Variants in MALRD1 observed in about 807,000 individuals in gnomAD.
MALRD1 encodes the protein MAM and LDL-receptor class A domain-containing protein 1.
Under a neutral mutation model 242.1 loss-of-function variants are expected in MALRD1, and 247 were observed. That is an observed-to-expected ratio of 1.02 (90% CI 0.92 to 1.13). The LOEUF (loss-of-function observed/expected upper bound fraction) is 1.13. Ranked by LOEUF, MALRD1 falls within the 50% of genes most tolerant of loss-of-function variation. MALRD1 has a pLI of 0.00. For missense variants in MALRD1, 2,989 were observed against 2,533.1 expected (o/e 1.18, Z -3.86); for synonymous variants, 995 against 866.6 (o/e 1.15, Z -2.60).
intron 18 of MALRD1, among the ~76,000 whole-genome samples, chr10:19,238,551 T>C (rs1344698299): frequency 8.5e-6 from 1 of 117,716 alleles, no homozygotes; most frequent in East Asian, 2.4e-4. Context: ...TAATATATAA[T>C]GTATATTATA....
At chr10:19,534,771 A>T (rs1834578590) in intron 32 of MALRD1, among the ~76,000 whole-genome samples, 1 of 152,138 alleles carries the variant, frequency 6.6e-6, no homozygotes, top group Non-Finnish European at 1.5e-5. Context: ...CAATTAAAAA[A>T]TTTATAATTT....
intron 5 of MALRD1, among the ~76,000 whole-genome samples, chr10:19,117,116 A>G (rs1836897984): frequency 6.6e-6 from 1 of 151,760 alleles, no homozygotes; most frequent in Non-Finnish European, 1.5e-5. Flanking sequence ...AAAAAGAAGA[A>G]AGAAAGAGTG....
chr10:19,624,942 C>G (rs148066790), intron 36 of MALRD1, among the ~76,000 whole-genome samples: 113 of 150,932 alleles, frequency 7.5e-4, no homozygotes, highest in African/African-American at 2.7e-3. Flanking sequence ...TGGCTCACAC[C>G]TGTAATCCTA....
intron 36 of MALRD1, among the ~76,000 whole-genome samples, chr10:19,683,133 G>T (rs933691207): frequency 1.3e-4 from 19 of 145,790 alleles, no homozygotes; most frequent in African/African-American, 4.6e-4. Flanking sequence ...CATCTCTACC[G>T]GAAAAAAAAA....
intron 5 of MALRD1, among the ~76,000 whole-genome samples, chr10:19,116,786 A>C (rs1211828962): frequency 6.6e-6 from 1 of 152,156 alleles, no homozygotes; most frequent in African/African-American, 2.4e-5. Context: ...TTGTGGTACA[A>C]AGTAAGAATA....
At chr10:19,670,641 C>T (rs944119452) in intron 36 of MALRD1, among the ~76,000 whole-genome samples, 31 of 152,106 alleles carry the variant, frequency 2.0e-4, no homozygotes, top group African/African-American at 7.5e-4. Context: ...CTGCTGTTTC[C>T]AACTTGGTCC....
chr10:19,159,039 C>G (rs188932463), intron 12 of MALRD1, among the ~76,000 whole-genome samples: 1 of 152,302 alleles, frequency 6.6e-6, no homozygotes, highest in East Asian at 1.9e-4. Context: ...GAGGAAAGGG[C>G]GAGCAGGTGC....
At chr10:19,244,480 G>A (rs1838950183) in intron 18 of MALRD1, among the ~76,000 whole-genome samples, 1 of 152,070 alleles carries the variant, frequency 6.6e-6, no homozygotes, top group Non-Finnish European at 1.5e-5. Context: ...TGAGGTGGGA[G>A]GATGGCTTGA....
intron 32 of MALRD1, among the ~76,000 whole-genome samples, chr10:19,554,235 C>T (rs1012879589): frequency 6.6e-6 from 1 of 152,108 alleles, no homozygotes; most frequent in African/African-American, 2.4e-5. Flanking sequence ...CTACAGGAAG[C>T]TGGGTTCCAG....
intron 29 of MALRD1, among the ~76,000 whole-genome samples, chr10:19,470,568 A>T: frequency 6.6e-6 from 1 of 152,076 alleles, no homozygotes; most frequent in Non-Finnish European, 1.5e-5. Context: ...ACAGTGTGCA[A>T]TGGTTTCCTT....
chr10:19,579,418 G>A lies in MALRD1; in HGVS notation c.5680+11715G>A, dbSNP rs1214375717. On this transcript the variant is annotated intron_variant, in intron 33 of 39. Coordinates refer to ENST00000454679, the MANE Select transcript of MALRD1 (RefSeq NM_001142308.3). ...CTAAAACTCCTAGAATTTTTTTATT[G>A]TATATATTTACGGTATGTGATGAGA... Among the ~76,000 whole-genome samples the A allele has an allele frequency of 3.9e-5, 6 of 152,154 alleles. No individual in the cohort carries two copies. In the South Asian group the frequency reaches 6.2e-4, roughly 16 times the overall value.
chr10:19,292,647 C>T (rs2131926115), intron 21 of MALRD1, among the ~76,000 whole-genome samples: 1 of 152,186 alleles, frequency 6.6e-6, no homozygotes, highest in South Asian at 2.1e-4. Flanking sequence ...AATCCCATCA[C>T]TTTGGGAGGC....
intron 34 of MALRD1, among the ~76,000 whole-genome samples, chr10:19,599,077 A>G (rs993742009): frequency 1.3e-5 from 2 of 152,152 alleles, no homozygotes; most frequent in Admixed American, 6.6e-5. Flanking sequence ...TTTAAGAGCA[A>G]ATGGGAAATG....
chr10:19,157,531 G>C (rs747004959), intron 12 of MALRD1, among the ~76,000 whole-genome samples: 11 of 152,112 alleles, frequency 7.2e-5, no homozygotes, highest in Non-Finnish European at 1.0e-4. Context: ...ACAGGCGTGA[G>C]CCACCGCACC....
At chr10:19,392,851 C>T (rs951409285) in intron 28 of MALRD1, among the ~76,000 whole-genome samples, 8 of 152,048 alleles carry the variant, frequency 5.3e-5, no homozygotes, top group South Asian at 4.1e-4. Flanking sequence ...GTTTGGTATG[C>T]GATCAGAGGG....
rs117917042 is a variant in MALRD1 at position 19,386,002 on chromosome 10, G to A, written c.4442-1526G>A. Among the ~76,000 whole-genome samples, 680 of 152,148 alleles carry A rather than the reference G, an allele frequency of 4.5e-3. 3 individuals carry two copies. Among genetic ancestry groups the A allele is most frequent in the Admixed American group, 6.9e-3 (106 of 15,268 alleles). On this transcript the variant is annotated intron_variant, in intron 26 of 39. Coordinates refer to ENST00000454679, the MANE Select transcript of MALRD1 (RefSeq NM_001142308.3). ...CCATGGTTGAAGCTTATTTTCAATG[G>A]CTTCATAATACAAAGTCCACCTAAT...
chr10:19,219,271 C>T (rs1837460026), intron 18 of MALRD1, among the ~76,000 whole-genome samples: 1 of 151,982 alleles, frequency 6.6e-6, no homozygotes, highest in South Asian at 2.1e-4. Flanking sequence ...CAGCACTGGT[C>T]ACTTATACTA....
At chr10:19,405,603 A>G (rs1847060102) in intron 28 of MALRD1, among the ~76,000 whole-genome samples, 1 of 152,204 alleles carries the variant, frequency 6.6e-6, no homozygotes. Context: ...TTTACATGTT[A>G]TAGATTTCAC....
intron 26 of MALRD1, among the ~76,000 whole-genome samples, chr10:19,361,168 T>C (rs1236591100): frequency 6.6e-6 from 1 of 152,150 alleles, no homozygotes; most frequent in Non-Finnish European, 1.5e-5. Context: ...GTCTCTGTTA[T>C]CACCAGTGTG....
Sources: allele counts gnomAD v4.1 joint callset (sites outside exome capture counted in the v4.1 genomes callset), GRCh38; gene constraint gnomAD v4.1.1; transcripts MANE v1.5; gene names NCBI Gene and HGNC (gene_info 2026-07-23, HGNC 2026-07-21).